Variants in ABCE1 observed in about 807,000 individuals in gnomAD.
ABCE1 encodes the protein ATP binding cassette subfamily E member 1.
Under a neutral mutation model 83.4 loss-of-function variants are expected in ABCE1, and 22 were observed. The observed-to-expected ratio is 0.26, with a 90% CI of 0.19 to 0.38. The LOEUF is 0.38. Among genes scored for constraint, ABCE1 ranks in the 10% least tolerant of loss-of-function variants. ABCE1 has a pLI of 1.00. For synonymous variants in ABCE1, 204 were observed against 233.7 expected, an observed-to-expected ratio of 0.87 and a Z score of 1.16; for missense variants, 330 against 721.9, an observed-to-expected ratio of 0.46 and a Z score of 6.22.
chr4:145,119,172 A>G (rs1419564629), intron 10 of ABCE1, among the ~76,000 whole-genome samples: 2 of 151,924 alleles, frequency 1.3e-5, no homozygotes, highest in Non-Finnish European at 3.0e-5. Flanking sequence ...TGTGTCTCTC[A>G]GTTCCAAATA....
chr4:145,111,294 A>T (rs933278403), intron 8 of ABCE1, among the ~76,000 whole-genome samples: 1 of 152,216 alleles, frequency 6.6e-6, no homozygotes, highest in African/African-American at 2.4e-5. Context: ...TAGGTGCCGG[A>T]ACTTTTTATA....
rs1436879807 is a variant in ABCE1, at chr4:145,128,995, T to C, written c.*1422T>C. On this transcript the variant is annotated 3_prime_UTR_variant, in exon 18 of 18. Transcript: ENST00000296577. Reference sequence around the variant, plus strand: ...ACCAGCGTTTGAATTTAATAATGTATATTCTTTCATGCTTTTTTCTGTGCA... The same window carrying C: ...ACCAGCGTTTGAATTTAATAATGTACATTCTTTCATGCTTTTTTCTGTGCA... 6.6e-6 allele frequency: 1 copy of C among 152,212 alleles called. No individual in the cohort carries two copies. The highest frequency in any genetic ancestry group is 1.5e-5 in the Non-Finnish European group (1 of 68,024). 9.4% of individuals were successfully genotyped at this position (152,212 alleles called of 1,614,324 possible).
At chr4:145,113,031 C>T (rs1213999447) in intron 9 of ABCE1, among the ~76,000 whole-genome samples, 1 of 152,138 alleles carries the variant, frequency 6.6e-6, no homozygotes, top group Non-Finnish European at 1.5e-5. Flanking sequence ...CTTTTAAATA[C>T]ATGGCTCATC....
chr4:145,103,831 A>G (rs1749219990), intron 1 of ABCE1, among the ~76,000 whole-genome samples: 1 of 148,436 alleles, frequency 6.7e-6, no homozygotes, highest in African/African-American at 2.5e-5. Flanking sequence ...GTGTGATCTC[A>G]GCTCACTGTA....
rs1038766678 is a variant in ABCE1 at position 145,121,414 on chromosome 4, G to T, written c.1263+23G>T. ...ACTGTGAGTTATTATTTTTTATATG[G>T]TTACTAAAGAAAATTTTGTATATAT... On this transcript the variant is annotated intron_variant, in intron 13 of 17. Coordinates refer to ENST00000296577, the MANE Select transcript of ABCE1 (RefSeq NM_002940.3). 9 of 1,577,632 alleles carry T rather than the reference G, an allele frequency of 5.7e-6. No homozygotes were observed. In the African/African-American group the frequency reaches 1.2e-4, roughly 22 times the overall value.
chr4:145,100,603 G>T (rs1402804813), intron 1 of ABCE1, among the ~76,000 whole-genome samples: 2 of 152,194 alleles, frequency 1.3e-5, no homozygotes, highest in East Asian at 3.9e-4. Flanking sequence ...CCGAATAATA[G>T]CTTTTTTGTG....
At chr4:145,103,426 A>G (rs1486665853) in intron 1 of ABCE1, among the ~76,000 whole-genome samples, 1 of 152,222 alleles carries the variant, frequency 6.6e-6, no homozygotes, top group East Asian at 1.9e-4. Flanking sequence ...TAATTTCTGA[A>G]CCACTAAGCC....
At chr4:145,098,774 A>ACT (rs1748981517) in intron 1 of ABCE1, among the ~76,000 whole-genome samples, 1 of 152,050 alleles carries the variant, frequency 6.6e-6, no homozygotes, top group African/African-American at 2.4e-5. Flanking sequence ...AACTTACAGC[A>ACT]CTCTCTAGTA....
At position 145,108,012 on chromosome 4, in the gene ABCE1, C is replaced by G; in HGVS notation, c.190-3C>G. On this transcript the variant is annotated splice_polypyrimidine_tract_variant and splice_region_variant and intron_variant, in intron 3 of 17. Transcript: ENST00000296577. ...AAAATTAATTCTTTACTTTAAATAACAGAAATGCCCCTTTGGCGCCTTATC... is the reference window on the plus strand; with the variant it reads ...AAAATTAATTCTTTACTTTAAATAAGAGAAATGCCCCTTTGGCGCCTTATC... The G allele has an allele frequency of 6.2e-7, 1 of 1,607,214 alleles. No homozygotes were observed. The highest frequency in any genetic ancestry group is 8.5e-7 in the Non-Finnish European group (1 of 1,177,728).
chr4:145,113,402 A>G (rs1452850040), intron 9 of ABCE1, among the ~76,000 whole-genome samples: 3 of 152,184 alleles, frequency 2.0e-5, no homozygotes, highest in Non-Finnish European at 4.4e-5. Flanking sequence ...TTATATAACC[A>G]GTGGAATCTG....
chr4:145,109,542 A>G (rs953828282), intron 5 of ABCE1, among the ~76,000 whole-genome samples: 3 of 152,178 alleles, frequency 2.0e-5, no homozygotes, highest in African/African-American at 7.2e-5. Flanking sequence ...TAGCTCAATT[A>G]GTTTTTGTTG....
chr4:145,108,689 G>A (rs1749378509), intron 4 of ABCE1, among the ~76,000 whole-genome samples: 1 of 152,134 alleles, frequency 6.6e-6, no homozygotes, highest in Non-Finnish European at 1.5e-5. Context: ...GGAGAAGGAA[G>A]TGGAATATTT....
rs1749845262 is a variant in ABCE1 at position 145,125,105 on chromosome 4, T to C, written c.1752+4T>C. On this transcript the variant is annotated splice_donor_region_variant and intron_variant, in intron 17 of 17. Transcript: ENST00000296577. The stretch of plus-strand genomic sequence containing the variant: ...AAACAAACTTAATTCAATTAAGGTA[T>C]GTAGAAAAGTTGTCTTAAATCATGG... 6.4e-7 allele frequency: 1 copy of C among 1,574,286 alleles called. No homozygotes were observed. Among genetic ancestry groups the C allele is most frequent in the African/African-American group, 1.4e-5 (1 of 73,954 alleles).
At chr4:145,114,282 G>A (rs1277879415) in intron 9 of ABCE1, among the ~76,000 whole-genome samples, 1 of 152,010 alleles carries the variant, frequency 6.6e-6, no homozygotes, top group African/African-American at 2.4e-5. Flanking sequence ...TACACACTGT[G>A]GTAAAGAAAA....
In ABCE1 at chr4:145,123,568, T is replaced by C. The variant is rs549637890; in HGVS notation, c.1608T>C (p.Asp536=). 16 of 1,605,540 alleles carry C rather than the reference T, an allele frequency of 1.0e-5. No homozygotes were observed. The African/African-American group carries it at 1.1e-4, about 11-fold the overall frequency. The change falls in exon 16 of 18, where the codon GAT becomes GAC. Residue 536 remains aspartate, a synonymous_variant. Coordinates refer to ENST00000296577, the MANE Select transcript of ABCE1 (RefSeq NM_002940.3). ...TAGCGGATCGCGTCATCGTTTTTGA[T>C]GGTGTTCCATCTAAGAACACAGTTG... is the stretch of plus-strand genomic sequence containing the variant. ...TYLADRVIVF[D]GVPSKNTVAN...
intron 17 of ABCE1, among the ~76,000 whole-genome samples, chr4:145,127,137 A>G (rs1260241857): frequency 6.6e-6 from 1 of 152,066 alleles, no homozygotes; most frequent in Admixed American, 6.5e-5. Flanking sequence ...CTTTATATAT[A>G]TATATTTTGT....
At position 145,129,435 on chromosome 4, in the gene ABCE1, AAAAAAAC is replaced by A. The variant is rs1278425428; in HGVS notation, c.*1870_*1876del. ...TAATTGGAAAAAGTCTCAAATACTT[AAAAAAAC>A]AAAAAACTGGAACAGTTTATTATAC... On this transcript the variant is annotated 3_prime_UTR_variant, in exon 18 of 18. Coordinates refer to ENST00000296577, the MANE Select transcript of ABCE1 (RefSeq NM_002940.3). Among the ~76,000 whole-genome samples the A allele has an allele frequency of 6.6e-6, 1 of 152,138 alleles. No homozygotes were observed. The highest frequency in any genetic ancestry group is 6.5e-5 in the Admixed American group (1 of 15,278).
chr4:145,121,996 G>A (rs964604564), intron 13 of ABCE1: 9 of 152,220 alleles, frequency 5.9e-5, no homozygotes, highest in Admixed American at 5.9e-4. Flanking sequence ...CCACAAGATG[G>A]GAGAAACATT....
intron 9 of ABCE1, among the ~76,000 whole-genome samples, chr4:145,114,902 C>A (rs13148405): frequency 6.6e-6 from 1 of 151,898 alleles, no homozygotes; most frequent in South Asian, 2.1e-4. Context: ...TATCTCCATT[C>A]TGAAATTTGA....
Sources: gnomAD v4.1 joint callset for allele counts (sites outside exome capture counted in the v4.1 genomes callset) on GRCh38, gnomAD v4.1.1 for gene constraint, MANE v1.5 for transcripts, NCBI Gene and HGNC (gene_info 2026-07-23, HGNC 2026-07-21) for gene names.